STMN4: variants seen among roughly 807,000 people sequenced by gnomAD.
STMN4 encodes stathmin-4.
STMN4 carries 12 observed loss-of-function variants against 29.1 expected under a neutral mutation model. The ratio of observed to expected loss-of-function variants is 0.41; its 90% CI spans 0.26 to 0.67. The LOEUF (loss-of-function observed/expected upper bound fraction) is 0.67, where lower values mean the gene tolerates loss of function less well. Among genes scored for constraint, STMN4 ranks in the 30% least tolerant of loss-of-function variants. The probability of loss-of-function intolerance (pLI) is 0.30; values close to 1 mark genes in which losing one functional copy is unlikely to be tolerated. For missense variants in STMN4, 181 were observed against 262.8 expected, an observed-to-expected ratio of 0.69 and a Z score of 2.15; for synonymous variants, 114 against 105.3, an observed-to-expected ratio of 1.08 and a Z score of -0.51.
At position 27,241,877 on chromosome 8, in the gene STMN4, C is replaced by A; in HGVS notation, c.110-120G>T. On this transcript the variant is annotated intron_variant, in intron 3 of 6. Coordinates refer to ENST00000350889, the MANE Select transcript of STMN4 (RefSeq NM_030795.4). The stretch of plus-strand genomic sequence containing the variant: ...GGAGGTGACCTGGTCCCCGAGCACC[C>A]CTGGTGAGGACGTGGCCACCCAGTG... 3 of 1,211,396 alleles carry A rather than the reference C, an allele frequency of 2.5e-6. No homozygotes were observed. In the South Asian group the frequency reaches 3.9e-5, roughly 16 times the overall value. 75.0% of individuals were successfully genotyped at this position (1,211,396 alleles called of 1,614,324 possible). A position where few individuals can be genotyped will look rare whatever the true frequency, so the allele number is the denominator to read the frequency against.
At position 27,236,794 on chromosome 8, in the gene STMN4, G is replaced by A; in HGVS notation, c.*52C>T. ...CGGCGGGCGAGGCTGCCTGGAACGT[G>A]GAGCTGCTGGAGCTGTCCGGCTGAC... On this transcript the variant is annotated 3_prime_UTR_variant, in exon 7 of 7. Transcript: ENST00000350889. The A allele has an allele frequency of 6.6e-7, 1 of 1,505,948 alleles. No individual in the cohort carries two copies. Among genetic ancestry groups the A allele is most frequent in the Non-Finnish European group, 8.9e-7 (1 of 1,125,312 alleles). 93.3% of individuals were successfully genotyped at this position (1,505,948 alleles called of 1,614,324 possible). A position where few individuals can be genotyped will look rare whatever the true frequency, so the allele number is the denominator to read the frequency against.
At chr8:27,245,093 T>TG (rs1280570558) in intron 1 of STMN4, among the ~76,000 whole-genome samples, 6 of 152,170 alleles carry the variant, frequency 3.9e-5, no homozygotes, top group African/African-American at 1.4e-4. Context: ...TAGACCAGTG[T>TG]GGGGTCAAAT....
At position 27,236,844 on chromosome 8, in the gene STMN4, C is replaced by T. The variant is rs1245398742; in HGVS notation, c.*2G>A. Reference sequence around the variant, plus strand: ...CCTGGAAAGTTCTTTGGCCTCTAGGCTTTACCTGGAGGCCTCTTCCTTCAG... The same window carrying T: ...CCTGGAAAGTTCTTTGGCCTCTAGGTTTTACCTGGAGGCCTCTTCCTTCAG... On this transcript the variant is annotated 3_prime_UTR_variant, in exon 7 of 7. Transcript: ENST00000350889. The T allele has an allele frequency of 1.9e-6, 3 of 1,603,462 alleles. No homozygotes were observed. The highest frequency in any genetic ancestry group is 2.2e-5 in the South Asian group (2 of 88,990).
At chr8:27,244,102 G>C (rs1162332050) in intron 1 of STMN4, among the ~76,000 whole-genome samples, 1 of 152,162 alleles carries the variant, frequency 6.6e-6, no homozygotes, top group Non-Finnish European at 1.5e-5. Flanking sequence ...GTGCTCATCT[G>C]TCTCCCTCCA....
At position 27,242,458 on chromosome 8, in the gene STMN4, C is replaced by T; in HGVS notation, c.48G>A (p.Val16=). 2 of 1,614,200 alleles carry T rather than the reference C, an allele frequency of 1.2e-6. No homozygotes were observed. Among genetic ancestry groups the T allele is most frequent in the Admixed American group, 1.7e-5 (1 of 60,026 alleles). The stretch of plus-strand genomic sequence containing the variant: ...CCAGGAAGCAGGAGCAGAACAAGGA[C>T]ACCAGCGGGAGCTCCTTCATCTTCT... ...YKEKMKELPL[V]SLFCSCFLAD... Residue 16 remains valine, a synonymous_variant, in exon 3 of 7, where the codon GTG becomes GTA. Coordinates refer to ENST00000350889, the MANE Select transcript of STMN4 (RefSeq NM_030795.4).
chr8:27,236,641 G>C lies in STMN4; in HGVS notation c.*205C>G, dbSNP rs752522929. On this transcript the variant is annotated 3_prime_UTR_variant, in exon 7 of 7. Transcript: ENST00000350889. ...TCTCTCCTCTCCCCTCTCCCACCCC[G>C]TCATTGTTCCCCGGAAACAAATAGG... 4.5e-6 allele frequency: 2 copies of C among 443,644 alleles called. No homozygotes were observed. The highest frequency in any genetic ancestry group is 4.1e-5 in the African/African-American group (2 of 48,816). The allele number at this position is 443,644 out of a possible 1,614,324, so 27.5% of individuals were successfully genotyped here.
intron 1 of STMN4, among the ~76,000 whole-genome samples, chr8:27,249,595 T>C (rs1443497748): frequency 6.6e-6 from 1 of 152,034 alleles, no homozygotes; most frequent in Non-Finnish European, 1.5e-5. Flanking sequence ...TTGCTCCTTC[T>C]CTGTCCCCAA....
Position 27,242,383 on chromosome 8 carries a change from G to A in STMN4, c.109+14C>T, listed in dbSNP as rs376902887. The A allele has an allele frequency of 1.9e-6, 3 of 1,613,892 alleles. No homozygotes were observed. The highest frequency in any genetic ancestry group is 1.7e-6 in the Non-Finnish European group (2 of 1,179,920). On this transcript the variant is annotated intron_variant, in intron 3 of 6. Coordinates refer to ENST00000350889, the MANE Select transcript of STMN4 (RefSeq NM_030795.4). ...CCCCCCGCCCCTCACTTTCCTGGCT[G>A]AGCCTTCACTGACCTTCATATTTGT...
intron 5 of STMN4, 122 bp downstream of exon 5, chr8:27,240,932 G>A (rs972804280): frequency 1.0e-6 from 1 of 964,462 alleles, no homozygotes; most frequent in East Asian, 2.6e-5. Context: ...ACACTCGGGA[G>A]ATGCTCCCTA....
At chr8:27,241,808 G>A in intron 3 of STMN4, 51 bp from the exon 4 acceptor site, 3 of 1,607,096 alleles carry the variant, frequency 1.9e-6, no homozygotes, top group East Asian at 2.2e-5. Flanking sequence ...GTTCCTTGGT[G>A]CCAGACCAAA....
intron 6 of STMN4, among the ~76,000 whole-genome samples, chr8:27,238,886 G>A (rs1010037485): frequency 2.6e-5 from 4 of 152,254 alleles, no homozygotes; most frequent in African/African-American, 4.8e-5. Context: ...ATCCTGGGTC[G>A]AGCCTCAGTG....
chr8:27,242,504 C>T lies in STMN4; in HGVS notation c.14-12G>A. 6.2e-7 allele frequency: 1 copy of T among 1,613,828 alleles called. No homozygotes were observed. Among genetic ancestry groups the T allele is most frequent in the Non-Finnish European group, 8.5e-7 (1 of 1,179,768 alleles). On this transcript the variant is annotated splice_polypyrimidine_tract_variant and intron_variant, in intron 2 of 6. Transcript: ENST00000350889. ...CTTCTCTTTGTAGGCTGCGGAAACA[C>T]CCAGTCAGGTGAGGATGGCGCCTCT... is the stretch of plus-strand genomic sequence containing the variant.
In STMN4 at chr8:27,247,587, G is replaced by C. The variant is rs868696115; in HGVS notation, c.-78-3786C>G. Among the ~76,000 whole-genome samples, 5 of 152,286 alleles carry C rather than the reference G, an allele frequency of 3.3e-5. No individual in the cohort carries two copies. The South Asian group carries it at 1.0e-3, about 32-fold the overall frequency. ...TGTGTGATGCTAGGTTGTCTTGTGG[G>C]GTTTGTTAAATGGCCATGGTCATGT... On this transcript the variant is annotated intron_variant, in intron 1 of 6. Coordinates refer to ENST00000350889, the MANE Select transcript of STMN4 (RefSeq NM_030795.4).
chr8:27,253,919 A>C (rs1244275446), intron 1 of STMN4, among the ~76,000 whole-genome samples: 1 of 152,106 alleles, frequency 6.6e-6, no homozygotes, highest in Non-Finnish European at 1.5e-5. Context: ...AGGAGCTGGA[A>C]TTACATGCGT....
chr8:27,239,757 TC>T, intron 6 of STMN4: 1 of 1,502,758 alleles, frequency 6.7e-7, no homozygotes, highest in Non-Finnish European at 8.8e-7. Context: ...GTGCAGAATA[TC>T]CCCCAAGGAA....
In STMN4 at chr8:27,236,819, C is replaced by T; in HGVS notation, c.*27G>A. 2.5e-6 allele frequency: 4 copies of T among 1,581,786 alleles called. No homozygotes were observed. The highest frequency in any genetic ancestry group is 3.4e-6 in the Non-Finnish European group (4 of 1,166,400). On this transcript the variant is annotated 3_prime_UTR_variant, in exon 7 of 7. Transcript: ENST00000350889. ...GGAGCTGCTGGAGCTGTCCGGCTGA[C>T]CTGGAAAGTTCTTTGGCCTCTAGGC...
At chr8:27,239,354 A>G (rs1465884104) in intron 6 of STMN4, 1 of 1,490,156 alleles carries the variant, frequency 6.7e-7, no homozygotes, top group African/African-American at 1.4e-5. Flanking sequence ...GACTCAGGAA[A>G]TGAGGCCAGC....
rs1801802396 is a variant in STMN4 at position 27,251,974 on chromosome 8, C to T, written c.-79+6377G>A. ...ATCCCTCCCCCCTTCCCCCATTCCA[C>T]AACAGTCCCCAGAGTGTGATATTCC... On this transcript the variant is annotated intron_variant, in intron 1 of 6. Transcript: ENST00000350889. Among the ~76,000 whole-genome samples, 3 of 151,574 alleles carry T rather than the reference C, an allele frequency of 2.0e-5. No homozygotes were observed. In the South Asian group the frequency reaches 6.2e-4, roughly 31 times the overall value.
chr8:27,243,650 C>T, intron 2 of STMN4, 61 bp downstream of exon 2: 1 of 1,547,888 alleles, frequency 6.5e-7, no homozygotes, highest in Non-Finnish European at 8.9e-7. Context: ...TCTGTGAGTC[C>T]ATGTTGGGTG....
Sources: gnomAD v4.1 joint callset for allele counts (sites outside exome capture counted in the v4.1 genomes callset) on GRCh38, gnomAD v4.1.1 for gene constraint, MANE v1.5 for transcripts, NCBI Gene and HGNC (gene_info 2026-07-23, HGNC 2026-07-21) for gene names.